Variants in SHANK2 observed in about 807,000 individuals in gnomAD.
SHANK2 encodes the protein SH3 and multiple ankyrin repeat domains 2, also known as SH3 and multiple ankyrin repeat domains protein 2.
In SHANK2, 43 loss-of-function variants were observed where a neutral mutation model predicts 133.7. That is an observed-to-expected ratio of 0.32 (90% CI 0.25 to 0.41). The LOEUF is 0.41. SHANK2 is among the 10% of genes least tolerant of loss of function. SHANK2 has a pLI of 1.00. For missense variants in SHANK2, 1,994 were observed against 2,235.8 expected (o/e 0.89, Z 2.18); for synonymous variants, 1,017 against 952.8 (o/e 1.07, Z -1.24).
At chr11:70,862,827 A>T in intron 11 of SHANK2, 1 of 274,296 alleles carries the variant, frequency 3.6e-6, no homozygotes, top group Non-Finnish European at 7.2e-6. Context: ...GGAGTAGTCA[A>T]CTGGGCAGCA....
chr11:70,492,532 C>T (rs1555156175), intron 21 of SHANK2, 67 bp from the exon 22 acceptor site: 56 of 1,600,984 alleles, frequency 3.5e-5, no homozygotes, highest in Admixed American at 5.0e-5. Flanking sequence ...GATAGGAAAG[C>T]GCACAGGTGC....
chr11:70,897,732 T>C (rs531298822), intron 10 of SHANK2, among the ~76,000 whole-genome samples: 289 of 152,306 alleles, frequency 1.9e-3, no homozygotes, highest in South Asian at 0.016. Flanking sequence ...TTTGGTTTTG[T>C]GTTTTTTCTT....
chr11:70,661,777 A>T, intron 15 of SHANK2, 99 bp from the exon 16 acceptor site: 1 of 1,613,820 alleles, frequency 6.2e-7, no homozygotes, highest in Non-Finnish European at 8.5e-7. Flanking sequence ...TAGCCAATTA[A>T]TCACCCCAGC....
At chr11:70,496,887 TCA>T (rs2058979008) in intron 21 of SHANK2, 1 of 449,580 alleles carries the variant, frequency 2.2e-6, no homozygotes, top group Non-Finnish European at 4.5e-6. Context: ...CTACCCATCA[TCA>T]CAGTCGCCAC....
chr11:71,247,873 G>A (rs943968377), intron 1 of SHANK2, among the ~76,000 whole-genome samples: 3 of 152,166 alleles, frequency 2.0e-5, no homozygotes, highest in South Asian at 2.1e-4. Flanking sequence ...GTCCCCAGTC[G>A]TGCTCTGGTG....
intron 15 of SHANK2, among the ~76,000 whole-genome samples, chr11:70,691,707 C>A (rs1432633699): frequency 6.6e-6 from 1 of 152,172 alleles, no homozygotes; most frequent in Non-Finnish European, 1.5e-5. Context: ...GCCAGGCCAA[C>A]ATGGTGAAAC....
chr11:70,508,192 G>A (rs1200229310), intron 17 of SHANK2, among the ~76,000 whole-genome samples: 6 of 152,228 alleles, frequency 3.9e-5, no homozygotes, highest in Non-Finnish European at 5.9e-5. Context: ...AGGGCACCAG[G>A]GCTCATGGGG....
intron 15 of SHANK2, among the ~76,000 whole-genome samples, chr11:70,675,781 G>A (rs1944894797): frequency 6.6e-6 from 1 of 152,202 alleles, no homozygotes; most frequent in Non-Finnish European, 1.5e-5. Context: ...ACCAAATGCT[G>A]GGCTGGGTAA....
chr11:70,746,491 G>C (rs1555036121), intron 14 of SHANK2, among the ~76,000 whole-genome samples: 1 of 150,708 alleles, frequency 6.6e-6, no homozygotes, highest in African/African-American at 2.5e-5. Flanking sequence ...CTTCCTTCAG[G>C]GCGGGGGATG....
At chr11:70,750,379 A>C (rs557528976) in intron 14 of SHANK2, among the ~76,000 whole-genome samples, 15 of 152,250 alleles carry the variant, frequency 9.9e-5, no homozygotes, top group African/African-American at 2.6e-4. Context: ...TTGGGCAGGC[A>C]CCTAAAACTC....
intron 2 of SHANK2, among the ~76,000 whole-genome samples, chr11:71,162,941 C>T (rs112538639): frequency 0.2 from 30,315 of 150,366 alleles, 3,261 homozygotes; most frequent in South Asian, 0.28. Context: ...GGTGTGGTGG[C>T]GGACGCCTGT....
chr11:71,183,242 G>T (rs1953596801), intron 2 of SHANK2, among the ~76,000 whole-genome samples: 1 of 152,196 alleles, frequency 6.6e-6, no homozygotes, highest in Non-Finnish European at 1.5e-5. Context: ...AGTGATGGAG[G>T]GACAAGGGGC....
rs1555152852 is a variant in SHANK2 at position 70,485,508 on chromosome 11, C to T, written c.4785G>A (p.Lys1595=). 6.2e-7 allele frequency: 1 copy of T among 1,613,634 alleles called. No individual in the cohort carries two copies. The highest frequency in any genetic ancestry group is 8.5e-7 in the Non-Finnish European group (1 of 1,180,034). Residue 1595 remains lysine (K), a synonymous_variant, in exon 25 of 26, where the codon AAG becomes AAA. Transcript: ENST00000601538. The surrounding 1 kb of genome is among the most constrained non-coding windows in gnomAD (Gnocchi z 5.8). ...ACTTGGAGGTCCTTGGCTGGAGAAC[C>T]TTGGCCATCCCAGGCTGGGCACTGC... is the stretch of plus-strand genomic sequence containing the variant. ...PPGSAQPGMA[K]VLQPRTSKLW...
At chr11:70,601,712 A>C (rs1287720988) in intron 17 of SHANK2, among the ~76,000 whole-genome samples, 2 of 152,250 alleles carry the variant, frequency 1.3e-5, no homozygotes, top group Non-Finnish European at 2.9e-5. Context: ...CTCAGTAGAA[A>C]ACTGGCAGAA....
chr11:70,657,351 C>T (rs2134245396), intron 17 of SHANK2, among the ~76,000 whole-genome samples: 1 of 152,318 alleles, frequency 6.6e-6, no homozygotes, highest in East Asian at 1.9e-4. Flanking sequence ...AAGGTCAAAG[C>T]TCTTCACTAA....
chr11:70,542,946 C>G (rs1324235076), intron 17 of SHANK2, among the ~76,000 whole-genome samples: 2 of 152,174 alleles, frequency 1.3e-5, no homozygotes, highest in African/African-American at 4.8e-5. Flanking sequence ...GAAGGGGGCC[C>G]CCCCGGGACC....
Position 70,469,874 on chromosome 11 carries a change from T to C in SHANK2, c.*2995A>G, listed in dbSNP as rs2058577394. 6.6e-6 allele frequency: 1 copy of C among 152,620 alleles called. No homozygotes were observed. The highest frequency in any genetic ancestry group is 2.1e-4 in the South Asian group (1 of 4,836). The allele number at this position is 152,620 out of a possible 1,614,324, so 9.5% of individuals were successfully genotyped here. ...TAACTTAAAATGTGCGCAGACACCC[T>C]GGAAAAGGTATCTTGGCAGGTATAC... is the stretch of plus-strand genomic sequence containing the variant. On this transcript the variant is annotated 3_prime_UTR_variant, in exon 26 of 26. Transcript: ENST00000601538.
At chr11:70,661,864 CG>C in intron 15 of SHANK2, 186 bp from the exon 16 acceptor site, 1 of 1,536,684 alleles carries the variant, frequency 6.5e-7, no homozygotes, top group Admixed American at 1.7e-5. Flanking sequence ...GGGTGGCTAC[CG>C]GGATAGGCGA....
chr11:70,812,980 G>A (rs373848252), intron 12 of SHANK2, among the ~76,000 whole-genome samples: 13 of 152,112 alleles, frequency 8.5e-5, no homozygotes, highest in East Asian at 3.9e-4. Context: ...GGAACTGGCC[G>A]ACATACTGAC....
Sources: gnomAD v4.1 joint callset for allele counts (sites outside exome capture counted in the v4.1 genomes callset) on GRCh38, gnomAD v4.1.1 for gene constraint, Gnocchi (gnomAD v3.1) non-coding constraint, MANE v1.5 for transcripts, NCBI Gene and HGNC (gene_info 2026-07-23, HGNC 2026-07-21) for gene names.